Variants in HSF5 observed in about 807,000 individuals in gnomAD.
HSF5 encodes heat shock factor protein 5.
In HSF5, 5 loss-of-function variants were observed where a neutral mutation model predicts 50.8. The ratio of observed to expected loss-of-function variants is 0.10; its 90% confidence interval spans 0.05 to 0.21. The LOEUF (loss-of-function observed/expected upper bound fraction) is 0.21. Among genes scored for constraint, HSF5 ranks in the 10% least tolerant of loss-of-function variants. HSF5 has a pLI of 1.00. For missense variants in HSF5, 564 were observed against 762.6 expected (o/e 0.74, Z 3.07); for synonymous variants, 307 against 307.4 (o/e 1.00, Z 0.02).
intron 2 of HSF5, among the ~76,000 whole-genome samples, chr17:58,478,069 T>G (rs1975041492): frequency 6.6e-6 from 1 of 151,940 alleles, no homozygotes; most frequent in Non-Finnish European, 1.5e-5. Context: ...ATTGCCTCAT[T>G]TCATCATTGT....
At chr17:58,465,186 T>TC (rs1442516590) in intron 3 of HSF5, among the ~76,000 whole-genome samples, 1 of 137,228 alleles carries the variant, frequency 7.3e-6, no homozygotes, top group Non-Finnish European at 1.5e-5. Context: ...TCTTTTCTTT[T>TC]TTTTTTTTTT....
At chr17:58,474,661 C>T (rs1274675393) in intron 2 of HSF5, among the ~76,000 whole-genome samples, 1 of 151,984 alleles carries the variant, frequency 6.6e-6, no homozygotes, top group East Asian at 1.9e-4. Flanking sequence ...TTAACTATAA[C>T]ATTTGTAGTG....
At chr17:58,432,394 T>G (rs1327477001) in intron 5 of HSF5, among the ~76,000 whole-genome samples, 1 of 152,156 alleles carries the variant, frequency 6.6e-6, no homozygotes, top group Non-Finnish European at 1.5e-5. Context: ...CCATTTCAGA[T>G]GGCATGGTCA....
rs368051708 is a variant in HSF5, at chr17:58,440,167, G to A, written c.1721-17737C>T. On this transcript the variant is annotated intron_variant, in intron 5 of 5. Coordinates refer to ENST00000323777, the MANE Select transcript of HSF5 (RefSeq NM_001080439.3). ...TGTCAGGTGAGAGTGGGGATCCAGA[G>A]AGTAAGCCTTGTATTTGAGGCTACT... Among the ~76,000 whole-genome samples, 5 of 152,326 alleles carry A rather than the reference G, an allele frequency of 3.3e-5. No individual in the cohort carries two copies. The East Asian group carries it at 5.8e-4, about 18-fold the overall frequency.
At position 58,480,055 on chromosome 17, in the gene HSF5, A is replaced by T; in HGVS notation, c.763T>A (p.Phe255Ile). The change falls in exon 2 of 6, where the codon TTT becomes ATT. Residue 255 changes from phenylalanine to isoleucine, a missense_variant. Phe to Ile is a conservative substitution (Grantham distance 21). Coordinates refer to ENST00000323777, the MANE Select transcript of HSF5 (RefSeq NM_001080439.3). ...SPTFSDKGVP[F>I]PVLQRFPTEV... is the part of the protein sequence containing the mutation. ...GTTGGAAACCTCTGGAGTACAGGAA[A>T]CGGAACCCCTTTATCTGAAAATGTG... The T allele has an allele frequency of 1.2e-6, 2 of 1,614,134 alleles. No individual in the cohort carries two copies. The highest frequency in any genetic ancestry group is 1.6e-4 in the Middle Eastern group (1 of 6,062).
In HSF5 at chr17:58,466,972, T is replaced by C. The variant is rs1974876554; in HGVS notation, c.933A>G (p.Leu311=). ...YSQAYYPTAV[L]QCCSPTHMDA... ...CCATGTGGGTAGGAGAACAGCACTG[T>C]AGCACAGCTGGAACAAATTCAAACA... The change falls in exon 3 of 6, where the codon CTA becomes CTG. Residue 311 remains leucine (L), a synonymous_variant. Transcript: ENST00000323777. The C allele has an allele frequency of 6.2e-7, 1 of 1,606,406 alleles. No homozygotes were observed. Among genetic ancestry groups the C allele is most frequent in the Non-Finnish European group, 8.5e-7 (1 of 1,173,102 alleles).
chr17:58,484,257 A>G (rs1975137588), intron 1 of HSF5, among the ~76,000 whole-genome samples: 1 of 151,994 alleles, frequency 6.6e-6, no homozygotes, highest in African/African-American at 2.4e-5. Context: ...TAACTTAGTT[A>G]TATATGGATT....
intron 1 of HSF5, among the ~76,000 whole-genome samples, chr17:58,487,167 A>C (rs1477342465): frequency 3.3e-5 from 5 of 152,064 alleles, no homozygotes; most frequent in African/African-American, 1.2e-4. Flanking sequence ...CGGCCTCCCA[A>C]AGTGCTGGGA....
At position 58,420,439 on chromosome 17, in the gene HSF5, A is replaced by C. The variant is rs1385746963; in HGVS notation, c.*1921T>G. On this transcript the variant is annotated 3_prime_UTR_variant, in exon 6 of 6. Transcript: ENST00000323777. ...ATATATAAAAATGTTTGGAAAGCTG[A>C]TTAAGGCATTTCATTAATTAAGCCT... 2.0e-5 allele frequency: 3 copies of C among 152,228 alleles called. No individual in the cohort carries two copies. The highest frequency in any genetic ancestry group is 4.4e-5 in the Non-Finnish European group (3 of 68,030). The allele number at this position is 152,228 out of a possible 1,614,324, so 9.4% of individuals were successfully genotyped here. A position where few individuals can be genotyped will look rare whatever the true frequency, so the allele number is the denominator to read the frequency against.
At chr17:58,462,649 G>T in intron 4 of HSF5, 133 bp downstream of exon 4, 1 of 815,376 alleles carries the variant, frequency 1.2e-6, no homozygotes, top group Non-Finnish European at 1.9e-6. Flanking sequence ...ACTGGGACAT[G>T]ATCCTCCTGG....
intron 5 of HSF5, among the ~76,000 whole-genome samples, chr17:58,424,943 C>CA (rs895415985): frequency 2.0e-5 from 3 of 152,074 alleles, no homozygotes; most frequent in African/African-American, 7.2e-5. Context: ...AATTCAGAGA[C>CA]AAAAAATAGA....
At position 58,450,334 on chromosome 17, in the gene HSF5, G is replaced by A. The variant is rs1974620199; in HGVS notation, c.1720+8434C>T. Among the ~76,000 whole-genome samples the A allele has an allele frequency of 1.7e-4, 11 of 65,492 alleles. 1 individual carries two copies. In the Admixed American group the frequency reaches 2.4e-3, roughly 15 times the overall value. 43.0% of individuals were successfully genotyped at this position (65,492 alleles called of 152,430 possible). ...AGCCTGGGTGAGAGAGTGAGACTTT[G>A]TCTCAAAAAAAAAAAAAAAAAAAAA... On this transcript the variant is annotated intron_variant, in intron 5 of 5. Coordinates refer to ENST00000323777, the MANE Select transcript of HSF5 (RefSeq NM_001080439.3).
chr17:58,468,698 T>C (rs1360468973), intron 2 of HSF5, among the ~76,000 whole-genome samples: 1 of 152,216 alleles, frequency 6.6e-6, no homozygotes, highest in African/African-American at 2.4e-5. Flanking sequence ...CATGAAGATA[T>C]ACTAGAAATA....
At chr17:58,435,760 A>G (rs1355330777) in intron 5 of HSF5, among the ~76,000 whole-genome samples, 2 of 150,610 alleles carry the variant, frequency 1.3e-5, no homozygotes, top group South Asian at 2.1e-4. Flanking sequence ...TTAGCCGGGC[A>G]TGGTGGCGGG....
chr17:58,453,925 C>T (rs1185578347), intron 5 of HSF5, among the ~76,000 whole-genome samples: 3 of 151,974 alleles, frequency 2.0e-5, no homozygotes. Flanking sequence ...CGCGTCTCTT[C>T]TAAAACACAA....
intron 5 of HSF5, among the ~76,000 whole-genome samples, chr17:58,437,306 G>C (rs1459209014): frequency 6.6e-6 from 1 of 152,106 alleles, no homozygotes; most frequent in Non-Finnish European, 1.5e-5. Flanking sequence ...TCAAAAGTCA[G>C]TTTACTATCT....
chr17:58,451,580 T>C (rs1974642253), intron 5 of HSF5, among the ~76,000 whole-genome samples: 1 of 152,222 alleles, frequency 6.6e-6, no homozygotes, highest in Middle Eastern at 3.4e-3. Flanking sequence ...AATATGCTCA[T>C]GAACAACCAA....
Position 58,458,837 on chromosome 17 carries a change from C to T in HSF5, c.1651G>A (p.Asp551Asn), listed in dbSNP as rs1462099074. The change falls in exon 5 of 6, where the codon GAC becomes AAC. Residue 551 changes from aspartate to asparagine, a missense_variant. By Grantham distance (23) the Asp-to-Asn change is conservative. Coordinates refer to ENST00000323777, the MANE Select transcript of HSF5 (RefSeq NM_001080439.3). The stretch of plus-strand genomic sequence containing the variant: ...CTGGCTGGAGTGGCTAAACCTGTGT[C>T]TTCACTAGGCTTGCTAGCAGGCCCC... ...EMGPASKPSE[D>N]TGLATPARYR... The T allele has an allele frequency of 6.2e-7, 1 of 1,614,098 alleles. No individual in the cohort carries two copies. The highest frequency in any genetic ancestry group is 1.1e-5 in the South Asian group (1 of 91,070).
At chr17:58,477,072 C>G in intron 2 of HSF5, 1 of 491,998 alleles carries the variant, frequency 2.0e-6, no homozygotes, top group Non-Finnish European at 3.7e-6. Flanking sequence ...CAGCGCTGCC[C>G]TCGCGGCCTG....
Sources: gnomAD v4.1 joint callset for allele counts (sites outside exome capture counted in the v4.1 genomes callset) on GRCh38, gnomAD v4.1.1 for gene constraint, MANE v1.5 for transcripts, NCBI Gene and HGNC (gene_info 2026-07-23, HGNC 2026-07-21) for gene names.